The following AKAP6 variants were observed in gnomAD, a reference collection of about 807,000 sequenced individuals.
AKAP6 encodes the protein A-kinase anchor protein 6.
A neutral mutation model predicts 188.5 loss-of-function variants in AKAP6; 58 were observed. The observed-to-expected ratio is 0.31, with a 90% CI of 0.25 to 0.38. The LOEUF (loss-of-function observed/expected upper bound fraction) is 0.38. Ranked by LOEUF, AKAP6 falls within the 10% of genes least tolerant of loss-of-function variation. The probability of loss-of-function intolerance (pLI) is 1.00; values close to 1 mark genes in which losing one functional copy is unlikely to be tolerated. For missense variants in AKAP6, 2,710 were observed against 2,740.0 expected, an observed-to-expected ratio of 0.99 and a Z score of 0.24; for synonymous variants, 989 against 998.6, an observed-to-expected ratio of 0.99 and a Z score of 0.18.
intron 2 of AKAP6, among the ~76,000 whole-genome samples, chr14:32,472,615 T>C (rs1041562720): frequency 6.6e-6 from 1 of 152,160 alleles, no homozygotes; most frequent in Non-Finnish European, 1.5e-5. Context: ...ATGGCAGTGA[T>C]GTTGGCAGGG....
In AKAP6 at chr14:32,822,166, T is replaced by A. The variant is rs780128738; in HGVS notation, c.4353T>A (p.Pro1451=). ...GDLNSITKHT[P]DCLGEELQGK... is the part of the protein sequence containing the mutation. ...TAAACAGTATTACCAAACATACCCC[T>A]GACTGTTTGGGAGAAGAATTACAAG... The change falls in exon 13 of 14, where the codon CCT becomes CCA. Residue 1451 remains proline (P), a synonymous_variant. Transcript: ENST00000280979. 3.1e-6 allele frequency: 5 copies of A among 1,613,852 alleles called. No homozygotes were observed. The South Asian group carries it at 5.5e-5, about 18-fold the overall frequency.
intron 1 of AKAP6, among the ~76,000 whole-genome samples, chr14:32,330,630 CTCT>C (rs1487238084): frequency 6.6e-6 from 1 of 151,060 alleles, no homozygotes; most frequent in African/African-American, 2.4e-5. Flanking sequence ...CATTGAATTC[CTCT>C]TCTTTTAGTC....
At chr14:32,766,584 A>G (rs979898023) in intron 11 of AKAP6, among the ~76,000 whole-genome samples, 1 of 152,110 alleles carries the variant, frequency 6.6e-6, no homozygotes, top group East Asian at 1.9e-4. Flanking sequence ...ATTTGCATTT[A>G]TCTGATGACT....
chr14:32,827,856 G>A (rs2034712783), intron 13 of AKAP6, among the ~76,000 whole-genome samples: 1 of 152,108 alleles, frequency 6.6e-6, no homozygotes, highest in African/African-American at 2.4e-5. Context: ...TAAACTTCAG[G>A]CTGGATAAAT....
At chr14:32,670,863 T>C (rs1203436916) in intron 7 of AKAP6, among the ~76,000 whole-genome samples, 2 of 152,320 alleles carry the variant, frequency 1.3e-5, no homozygotes, top group African/African-American at 4.8e-5. Context: ...GGCTTCAGCC[T>C]TCAAACTAAC....
chr14:32,432,922 A>C (rs1306734356), intron 1 of AKAP6, among the ~76,000 whole-genome samples: 1 of 152,034 alleles, frequency 6.6e-6, no homozygotes, highest in Non-Finnish European at 1.5e-5. Flanking sequence ...ACCGTCCTCT[A>C]CCCGTCATAC....
chr14:32,555,978 G>GTT (rs557261677), intron 4 of AKAP6, among the ~76,000 whole-genome samples: 6 of 143,086 alleles, frequency 4.2e-5, no homozygotes, highest in East Asian at 2.0e-4. Flanking sequence ...ATTGCTGGAT[G>GTT]TTTTTTTTTT....
chr14:32,710,197 CAAA>C (rs10535937), intron 9 of AKAP6, among the ~76,000 whole-genome samples: 14,883 of 146,142 alleles, frequency 0.1, 772 homozygotes, highest in East Asian at 0.12. Context: ...AAAATGGACC[CAAA>C]AAAAAAAAAA....
At chr14:32,700,262 CGCT>C (rs1467751438) in intron 9 of AKAP6, among the ~76,000 whole-genome samples, 1 of 152,144 alleles carries the variant, frequency 6.6e-6, no homozygotes, top group African/African-American at 2.4e-5. Context: ...ACTGCCAGTT[CGCT>C]GCTACCTACA....
At chr14:32,404,111 T>C (rs1488386725) in intron 1 of AKAP6, among the ~76,000 whole-genome samples, 8 of 152,160 alleles carry the variant, frequency 5.3e-5, no homozygotes. Context: ...ATATTTTTTT[T>C]GAAAAATATT....
intron 4 of AKAP6, among the ~76,000 whole-genome samples, chr14:32,556,405 T>C (rs1883690673): frequency 6.6e-6 from 1 of 152,292 alleles, no homozygotes; most frequent in African/African-American, 2.4e-5. Context: ...TGCAGTGGCA[T>C]GATCACAGCT....
intron 11 of AKAP6, among the ~76,000 whole-genome samples, chr14:32,737,301 T>C (rs17440692): frequency 0.15 from 23,424 of 152,104 alleles, 1,881 homozygotes; most frequent in Middle Eastern, 0.22. Flanking sequence ...GAATAAATCT[T>C]TTTCCTAGCC....
intron 7 of AKAP6, among the ~76,000 whole-genome samples, chr14:32,635,295 G>A (rs1056825812): frequency 6.6e-5 from 10 of 152,182 alleles, no homozygotes; most frequent in African/African-American, 2.4e-4. Flanking sequence ...CGAAAAGCTT[G>A]CTGTATGAGT....
chr14:32,634,832 A>G (rs1887418652), intron 7 of AKAP6, among the ~76,000 whole-genome samples: 1 of 152,108 alleles, frequency 6.6e-6, no homozygotes. Flanking sequence ...TTTGGTGTTA[A>G]GATAAAAACA....
chr14:32,701,237 A>C (rs1333310885), intron 9 of AKAP6, among the ~76,000 whole-genome samples: 2 of 152,208 alleles, frequency 1.3e-5, no homozygotes, highest in Non-Finnish European at 2.9e-5. Flanking sequence ...AGACTGGAGA[A>C]AATATACATA....
chr14:32,557,068 CT>C (rs370631473), intron 4 of AKAP6, among the ~76,000 whole-genome samples: 59 of 151,990 alleles, frequency 3.9e-4, no homozygotes, highest in African/African-American at 1.4e-3. Flanking sequence ...TTTGAGAGCC[CT>C]TTTTTTGTTC....
At chr14:32,754,608 C>A (rs2032263552) in intron 11 of AKAP6, among the ~76,000 whole-genome samples, 1 of 152,086 alleles carries the variant, frequency 6.6e-6, no homozygotes, top group South Asian at 2.1e-4. Context: ...TTTATACTTT[C>A]ATGTGTTTTC....
chr14:32,803,905 A>G (rs574835047), intron 12 of AKAP6, among the ~76,000 whole-genome samples: 70 of 152,290 alleles, frequency 4.6e-4, no homozygotes, highest in African/African-American at 1.5e-3. Context: ...AATCTCTTCA[A>G]TCTTTCCCAA....
chr14:32,587,875 C>A (rs1885319559), intron 5 of AKAP6, among the ~76,000 whole-genome samples: 2 of 151,938 alleles, frequency 1.3e-5, no homozygotes, highest in African/African-American at 2.4e-5. Context: ...GTGTGTGAAA[C>A]CAGGTAACGT....
Sources: allele counts gnomAD v4.1 joint callset (sites outside exome capture counted in the v4.1 genomes callset), GRCh38; gene constraint gnomAD v4.1.1; transcripts MANE v1.5; gene names NCBI Gene and HGNC (gene_info 2026-07-23, HGNC 2026-07-21).